The following REPS2 variants were observed in gnomAD, a reference collection of about 807,000 sequenced individuals.
The protein encoded by REPS2 is RALBP1 associated Eps domain containing 2.
REPS2 carries 23 observed loss-of-function variants against 53.6 expected under a neutral mutation model. That is an observed-to-expected ratio of 0.43 (90% CI 0.31 to 0.61). The LOEUF is 0.61. Ranked by LOEUF, REPS2 falls within the 20% of genes least tolerant of loss-of-function variation. The pLI is 0.11. For synonymous variants in REPS2, 238 were observed against 218.6 expected, an observed-to-expected ratio of 1.09 and a Z score of -0.78; for missense variants, 446 against 534.9, an observed-to-expected ratio of 0.83 and a Z score of 1.64.
At chrX:17,158,737 A>AT in the REPS2 span, among the ~76,000 whole-genome samples, 10 of 112,279 alleles carry the variant, frequency 8.9e-5, no homozygotes, top group African/African-American at 3.2e-4. Flanking sequence ...ACTATGTCTA[A>AT]TTTAAAACAC....
intron 5 of REPS2, among the ~76,000 whole-genome samples, chrX:17,035,999 T>A (rs774515821): frequency 2.7e-5 from 3 of 112,156 alleles, no homozygotes; most frequent in Admixed American, 9.5e-5. Context: ...TACAGATGCA[T>A]AGTATTTCCT....
chrX:17,050,141 C>CCTTTCTTT (rs774556038), intron 6 of REPS2, among the ~76,000 whole-genome samples: 476 of 20,405 alleles, frequency 0.023, 26 homozygotes, highest in Middle Eastern at 0.038. Flanking sequence ...TTCCTTTCTT[C>CCTTTCTTT]CTTTCTTTCT....
chrX:16,964,733 G>A (rs1198539461), intron 1 of REPS2, among the ~76,000 whole-genome samples: 1 of 100,990 alleles, frequency 9.9e-6, no homozygotes, highest in Admixed American at 1.0e-4. Context: ...AGTAGGGGCG[G>A]CCGGGCAGAG....
At chrX:17,090,416 C>T (rs757102629) in intron 13 of REPS2, among the ~76,000 whole-genome samples, 1 of 111,253 alleles carries the variant, frequency 9.0e-6, no homozygotes, top group South Asian at 3.8e-4. Context: ...TTCACTATCA[C>T]GAGAACACCA....
At chrX:16,960,508 T>G (rs1438610960) in intron 1 of REPS2, among the ~76,000 whole-genome samples, 1 of 112,557 alleles carries the variant, frequency 8.9e-6, no homozygotes, top group Non-Finnish European at 1.9e-5. Flanking sequence ...TTAAAGACCA[T>G]TTATGTAGAG....
chrX:17,039,074 C>T (rs1455686891), intron 5 of REPS2, among the ~76,000 whole-genome samples: 1 of 111,952 alleles, frequency 8.9e-6, no homozygotes, highest in African/African-American at 3.2e-5. Context: ...AAGGGGAGAA[C>T]GTAGTGAAGA....
At chrX:17,174,393 A>G in the REPS2 span, among the ~76,000 whole-genome samples, 2 of 112,045 alleles carry the variant, frequency 1.8e-5, no homozygotes, top group Non-Finnish European at 3.8e-5. Flanking sequence ...AAAATGACAG[A>G]TGCCAGGGTC....
chrX:17,165,076 C>T, the REPS2 span, among the ~76,000 whole-genome samples: 9 of 110,951 alleles, frequency 8.1e-5, no homozygotes, highest in Non-Finnish European at 1.5e-4. Context: ...CACACACACT[C>T]ACACACCACT....
intron 1 of REPS2, among the ~76,000 whole-genome samples, chrX:16,949,596 C>T (rs796487223): frequency 4.5e-5 from 5 of 111,640 alleles, no homozygotes; most frequent in South Asian, 3.7e-4. Context: ...TTAGTAGAGA[C>T]GGCGTTTTGC....
intron 1 of REPS2, among the ~76,000 whole-genome samples, chrX:16,948,531 T>G (rs963686223): frequency 1.8e-5 from 2 of 112,340 alleles, no homozygotes; most frequent in African/African-American, 6.5e-5. Flanking sequence ...TGTAGCTGCT[T>G]CCCAGCTGAA....
chrX:17,145,965 C>T (rs1023302709), intron 17 of REPS2, among the ~76,000 whole-genome samples: 32 of 109,746 alleles, frequency 2.9e-4, no homozygotes, highest in Non-Finnish European at 5.5e-4. Flanking sequence ...GAAAATTAGC[C>T]GGGCGTGGTG....
intron 1 of REPS2, among the ~76,000 whole-genome samples, chrX:16,960,073 T>TA (rs755967429): frequency 1.8e-5 from 2 of 110,613 alleles, no homozygotes; most frequent in Non-Finnish European, 3.8e-5. Flanking sequence ...AAATAAGAGG[T>TA]AAAAAACAAG....
At chrX:16,949,655 G>A (rs974207351) in intron 1 of REPS2, among the ~76,000 whole-genome samples, 26 of 112,193 alleles carry the variant, frequency 2.3e-4, no homozygotes, top group Admixed American at 2.3e-3. Context: ...TGATCCACCC[G>A]CCTCAGCCTC....
chrX:17,185,899 A>G, the REPS2 span, among the ~76,000 whole-genome samples: 3 of 111,148 alleles, frequency 2.7e-5, no homozygotes, highest in Non-Finnish European at 5.7e-5. Flanking sequence ...AGGGATTTTG[A>G]TGAGGACTAA....
chrX:17,014,168 T>C (rs376967490), intron 2 of REPS2, among the ~76,000 whole-genome samples: 53 of 111,961 alleles, frequency 4.7e-4, no homozygotes, highest in African/African-American at 1.7e-3. Context: ...AGAGCCCTTC[T>C]TCCAGAGAAA....
chrX:17,171,338 A>G, the REPS2 span, among the ~76,000 whole-genome samples: 9 of 111,053 alleles, frequency 8.1e-5, no homozygotes, highest in Non-Finnish European at 1.7e-4. Context: ...AACCAGCTTG[A>G]CTCAGATTCT....
intron 6 of REPS2, among the ~76,000 whole-genome samples, chrX:17,049,584 G>C (rs1478759146): frequency 1.8e-5 from 2 of 111,781 alleles, no homozygotes; most frequent in Admixed American, 1.9e-4. Context: ...GTACAGCTGT[G>C]CAATTTTTTT....
At chrX:17,145,218 G>A (rs764749942) in intron 17 of REPS2, among the ~76,000 whole-genome samples, 39 of 111,084 alleles carry the variant, frequency 3.5e-4, no homozygotes, top group Non-Finnish European at 4.5e-4. Flanking sequence ...AGAGAGTGTG[G>A]TACCCCTGGT....
chrX:17,104,411 GT>G (rs1319143218), intron 14 of REPS2, among the ~76,000 whole-genome samples: 1 of 112,178 alleles, frequency 8.9e-6, no homozygotes, highest in Non-Finnish European at 1.9e-5. Flanking sequence ...GTGGAGTGTG[GT>G]ATATGGTGCT....
Sources: gnomAD v4.1 joint callset for allele counts (sites outside exome capture counted in the v4.1 genomes callset) on GRCh38, gnomAD v4.1.1 for gene constraint, MANE v1.5 for transcripts, NCBI Gene and HGNC (gene_info 2026-07-23, HGNC 2026-07-21) for gene names.